The following RNF19B variants were observed in gnomAD, a reference collection of about 807,000 sequenced individuals.
RNF19B encodes the protein E3 ubiquitin-protein ligase RNF19B.
Under a neutral mutation model 65.5 loss-of-function variants are expected in RNF19B, and 23 were observed. The observed-to-expected ratio is 0.35, with a 90% confidence interval of 0.25 to 0.50. The LOEUF (loss-of-function observed/expected upper bound fraction) is 0.50. Among genes scored for constraint, RNF19B ranks in the 20% least tolerant of loss-of-function variants. The pLI, the probability that RNF19B is intolerant of heterozygous loss-of-function variation, is 0.98. For synonymous variants in RNF19B, 372 were observed against 379.6 expected (o/e 0.98, Z 0.23); for missense variants, 794 against 980.0 (o/e 0.81, Z 2.53).
intron 7 of RNF19B, 42 bp from the exon 8 acceptor site, chr1:32,938,570 T>A (rs1318807889): frequency 6.2e-7 from 1 of 1,600,938 alleles, no homozygotes; most frequent in African/African-American, 1.3e-5. Flanking sequence ...GAGACCTGGG[T>A]ATTCCAAGAC....
Position 32,946,179 on chromosome 1 carries a change from C to A in RNF19B, c.1146+223G>T, listed in dbSNP as rs147888536. 1.4e-3 allele frequency among the ~76,000 whole-genome samples: 208 copies of A among 152,284 alleles called. 1 individual carries two copies. The highest frequency in any genetic ancestry group is 4.7e-3 in the African/African-American group (196 of 41,564). ...GAACCATCATGCCTGGCCCAGCATT[C>A]TACCTTTAAGTCACTGAGACAAGCC... On this transcript the variant is annotated intron_variant, in intron 4 of 8. Transcript: ENST00000235150.
At position 32,938,425 on chromosome 1, in the gene RNF19B, T is replaced by C; in HGVS notation, c.1714A>G (p.Ile572Val). The C allele has an allele frequency of 1.2e-6, 2 of 1,614,224 alleles. No homozygotes were observed. The highest frequency in any genetic ancestry group is 1.7e-6 in the Non-Finnish European group (2 of 1,180,038). Residue 572 changes from isoleucine to valine, a missense_variant, in exon 8 of 9, where the codon ATA becomes GTA. Transcript: ENST00000235150. The stretch of plus-strand genomic sequence containing the variant: ...TCCTGTGGGTTGTAGGAACTGATTA[T>C]GGAACCGGCCATAGCACGAGTGCTT... ...NASTRAMAGS[I>V]ISSYNPQDRE...
At position 32,937,015 on chromosome 1, in the gene RNF19B, G is replaced by A. The variant is rs750980955; in HGVS notation, c.1987C>T (p.Arg663Cys). ...GCATCAGAACTCTCTAGGTCACTGC[G>A]GATGCTTTCAGGCTGGGCCAGGCTG... ...DISLAQPESI[R>C]SDLESSDAQS... The change falls in exon 9 of 9, where the codon CGC (arginine) becomes TGC (cysteine). Residue 663 changes from arginine (R) to cysteine (C), a missense_variant. Arg to Cys is a radical substitution (Grantham distance 180). This residue lies in a region of RNF19B where 368 missense variants were observed against 447.3 expected (regional missense o/e 0.82). Coordinates refer to ENST00000235150, the MANE Select transcript of RNF19B (RefSeq NM_001300826.2). 4.2e-5 allele frequency: 67 copies of A among 1,614,034 alleles called. No homozygotes were observed. The highest frequency in any genetic ancestry group is 5.3e-5 in the Non-Finnish European group (62 of 1,180,032).
chr1:32,948,078 A>G, intron 3 of RNF19B, 144 bp downstream of exon 3: 1 of 727,244 alleles, frequency 1.4e-6, no homozygotes, highest in Non-Finnish European at 2.2e-6. Flanking sequence ...TGGTGAAAAC[A>G]TGATTAGAGG....
Position 32,937,351 on chromosome 1 carries a change from C to T in RNF19B, c.1743-92G>A. 1.9e-6 allele frequency: 3 copies of T among 1,591,290 alleles called. No individual in the cohort carries two copies. In the South Asian group the frequency reaches 3.3e-5, roughly 18 times the overall value. ...TTCATGGGTTCAGGATTAGGAATTTCAAAAAGATAGGTGAACAGTTAACTA... is the reference window on the plus strand; with the variant it reads ...TTCATGGGTTCAGGATTAGGAATTTTAAAAAGATAGGTGAACAGTTAACTA... On this transcript the variant is annotated intron_variant, in intron 8 of 8. Transcript: ENST00000235150.
intron 1 of RNF19B, among the ~76,000 whole-genome samples, chr1:32,961,644 T>C (rs913740184): frequency 6.6e-6 from 1 of 152,066 alleles, no homozygotes; most frequent in African/African-American, 2.4e-5. Flanking sequence ...AAAAAATACA[T>C]TGTTTATATA....
rs1175350738 is a variant in RNF19B at position 32,937,012 on chromosome 1, T to G, written c.1990A>C (p.Ser664Arg). 6.2e-7 allele frequency: 1 copy of G among 1,614,192 alleles called. No individual in the cohort carries two copies. The highest frequency in any genetic ancestry group is 2.2e-5 in the East Asian group (1 of 44,880). ...ISLAQPESIR[S>R]DLESSDAQSD... Reference sequence around the variant, plus strand: ...TGTGCATCAGAACTCTCTAGGTCACTGCGGATGCTTTCAGGCTGGGCCAGG... The same window carrying G: ...TGTGCATCAGAACTCTCTAGGTCACGGCGGATGCTTTCAGGCTGGGCCAGG... The change falls in exon 9 of 9, where the codon AGT (serine) becomes CGT (arginine). Residue 664 changes from serine to arginine, a missense_variant. Ser to Arg is a moderately radical substitution (Grantham distance 110). Coordinates refer to ENST00000235150, the MANE Select transcript of RNF19B (RefSeq NM_001300826.2).
Position 32,949,557 on chromosome 1 carries a change from G to C in RNF19B, c.841+12C>G. The C allele has an allele frequency of 6.2e-7, 1 of 1,611,810 alleles. No individual in the cohort carries two copies. Among genetic ancestry groups the C allele is most frequent in the Non-Finnish European group, 8.5e-7 (1 of 1,178,112 alleles). On this transcript the variant is annotated intron_variant, in intron 2 of 8. Coordinates refer to ENST00000235150, the MANE Select transcript of RNF19B (RefSeq NM_001300826.2). ...CCAAATAAAGAGACAATGAGATAATGCCAACTTATACCTGGTCCAGATTCT... is the reference window on the plus strand; with the variant it reads ...CCAAATAAAGAGACAATGAGATAATCCCAACTTATACCTGGTCCAGATTCT...
intron 1 of RNF19B, among the ~76,000 whole-genome samples, chr1:32,953,720 ACTAG>A (rs1489260514): frequency 6.6e-6 from 1 of 152,034 alleles, no homozygotes; most frequent in African/African-American, 2.4e-5. Context: ...CAAGACAGTG[ACTAG>A]CTTGTTATTT....
At chr1:32,942,585 G>A (rs929855270) in intron 6 of RNF19B, 126 bp from the exon 7 acceptor site, 12 of 679,250 alleles carry the variant, frequency 1.8e-5, no homozygotes, top group East Asian at 5.6e-5. Context: ...GTGTGCAGTC[G>A]CCACATATCA....
intron 1 of RNF19B, among the ~76,000 whole-genome samples, chr1:32,952,455 A>AAAC (rs1642529095): frequency 7.4e-6 from 1 of 135,954 alleles, no homozygotes; most frequent in African/African-American, 2.6e-5. Flanking sequence ...AAAAAAAAAA[A>AAAC]AAAACAGCCT....
Position 32,949,718 on chromosome 1 carries a change from T to C in RNF19B, c.692A>G (p.Glu231Gly). The C allele has an allele frequency of 6.2e-7, 1 of 1,613,952 alleles. No homozygotes were observed. The highest frequency in any genetic ancestry group is 8.5e-7 in the Non-Finnish European group (1 of 1,180,008). The change falls in exon 2 of 9, where the codon GAA (glutamate) becomes GGA (glycine). Residue 231 changes from glutamate (E) to glycine (G), a missense_variant. Glu to Gly is a moderately conservative substitution (Grantham distance 98, BLOSUM62 -2). Coordinates refer to ENST00000235150, the MANE Select transcript of RNF19B (RefSeq NM_001300826.2). ...GTAGCAGAACTCAGTCTGGCAACCT[T>C]CCCTCTCACAAGTTAGCTTCGGGCA... ...ASCPKLTCEREGCQTEFCYHC... is the reference protein window; with the variant it reads ...ASCPKLTCERGGCQTEFCYHC...
At chr1:32,939,893 G>T (rs1176858516) in intron 7 of RNF19B, among the ~76,000 whole-genome samples, 1 of 152,210 alleles carries the variant, frequency 6.6e-6, no homozygotes, top group Non-Finnish European at 1.5e-5. Flanking sequence ...ATTTACAGGG[G>T]TGTTGGTTTT....
chr1:32,941,899 C>T (rs1038324220), intron 7 of RNF19B, among the ~76,000 whole-genome samples: 4 of 152,004 alleles, frequency 2.6e-5, no homozygotes, highest in African/African-American at 4.8e-5. Context: ...AGATTGAGAC[C>T]ATCCTAGCTA....
intron 1 of RNF19B, among the ~76,000 whole-genome samples, chr1:32,957,654 T>C (rs1642671176): frequency 6.6e-6 from 1 of 152,126 alleles, no homozygotes; most frequent in African/African-American, 2.4e-5. Flanking sequence ...GCCAACATGG[T>C]GAAACCCTGT....
chr1:32,934,918 C>T (rs917303529), downstream of RNF19B, among the ~76,000 whole-genome samples: 3 of 151,914 alleles, frequency 2.0e-5, no homozygotes, highest in Admixed American at 6.6e-5. Context: ...CTGCAACATC[C>T]GCCTCCCGAG....
At chr1:32,943,454 T>TA (rs1036914677) in intron 6 of RNF19B, among the ~76,000 whole-genome samples, 40 of 141,644 alleles carry the variant, frequency 2.8e-4, no homozygotes, top group African/African-American at 5.2e-4. Flanking sequence ...CCGTCTATAC[T>TA]AAAAAAAAAA....
At chr1:32,941,750 C>CT (rs1289035290) in intron 7 of RNF19B, among the ~76,000 whole-genome samples, 1 of 151,868 alleles carries the variant, frequency 6.6e-6, no homozygotes, top group Admixed American at 6.6e-5. Context: ...GAACAATGAA[C>CT]TTTGCATAAC....
chr1:32,951,482 C>T (rs541438217), intron 1 of RNF19B, among the ~76,000 whole-genome samples: 66 of 152,270 alleles, frequency 4.3e-4, no homozygotes, highest in African/African-American at 1.6e-3. Flanking sequence ...GGGTCCATTT[C>T]GAGCAAAGGA....
Sources: allele counts gnomAD v4.1 joint callset (sites outside exome capture counted in the v4.1 genomes callset), GRCh38; gene constraint gnomAD v4.1.1; regional missense constraint gnomAD v4.1.1; transcripts MANE v1.5; gene names NCBI Gene and HGNC (gene_info 2026-07-23, HGNC 2026-07-21).